The following ADAM23 variants were observed in gnomAD, a reference collection of about 807,000 sequenced individuals.
ADAM23 encodes the protein disintegrin and metalloproteinase domain-containing protein 23.
A neutral mutation model predicts 120.1 loss-of-function variants in ADAM23; 33 were observed. The observed-to-expected ratio is 0.27, with a 90% CI of 0.21 to 0.37. The LOEUF (loss-of-function observed/expected upper bound fraction) is 0.37. Ranked by LOEUF, ADAM23 falls within the 10% of genes least tolerant of loss-of-function variation. The pLI, the probability that ADAM23 is intolerant of heterozygous loss-of-function variation, is 1.00. For missense variants in ADAM23, 862 were observed against 1,058.2 expected, an observed-to-expected ratio of 0.81 and a Z score of 2.57; for synonymous variants, 367 against 375.2, an observed-to-expected ratio of 0.98 and a Z score of 0.25.
At chr2:206,556,089 A>G (rs1430439906) in intron 9 of ADAM23, among the ~76,000 whole-genome samples, 1 of 152,206 alleles carries the variant, frequency 6.6e-6, no homozygotes, top group Non-Finnish European at 1.5e-5. Context: ...GAACACAAAT[A>G]TAGACAGTTT....
intron 4 of ADAM23, among the ~76,000 whole-genome samples, chr2:206,534,866 T>A (rs1697139019): frequency 6.6e-6 from 1 of 152,184 alleles, no homozygotes; most frequent in Admixed American, 6.5e-5. Flanking sequence ...CCCTGGCTTC[T>A]TCCTATTCCG....
At chr2:206,487,835 T>G (rs1696046024) in intron 3 of ADAM23, among the ~76,000 whole-genome samples, 1 of 152,218 alleles carries the variant, frequency 6.6e-6, no homozygotes, top group Non-Finnish European at 1.5e-5. Context: ...TCTTTGTACA[T>G]TCATCTTGAA....
chr2:206,527,716 C>T (rs185676021), intron 3 of ADAM23, among the ~76,000 whole-genome samples: 1 of 152,238 alleles, frequency 6.6e-6, no homozygotes, highest in Admixed American at 6.5e-5. Flanking sequence ...AGGCATTATG[C>T]CAGGTGCTAG....
intron 3 of ADAM23, 50 bp downstream of exon 3, chr2:206,481,358 G>T: frequency 7.2e-7 from 1 of 1,385,212 alleles, no homozygotes. Flanking sequence ...ATAAAGCTTT[G>T]TTTTTATAAT....
intron 19 of ADAM23, among the ~76,000 whole-genome samples, chr2:206,587,581 A>AG (rs5838033): frequency 2.6e-5 from 1 of 38,138 alleles, no homozygotes; most frequent in Non-Finnish European, 7.2e-5. Context: ...AGATTAAGAG[A>AG]AAAAAAAAAA....
intron 3 of ADAM23, among the ~76,000 whole-genome samples, chr2:206,485,137 C>T (rs936309609): frequency 4.6e-5 from 7 of 152,116 alleles, no homozygotes; most frequent in African/African-American, 1.7e-4. Context: ...CTGAGTGCAA[C>T]CTGAGTGTGC....
At chr2:206,496,194 A>G (rs1173831428) in intron 3 of ADAM23, among the ~76,000 whole-genome samples, 1 of 152,098 alleles carries the variant, frequency 6.6e-6, no homozygotes, top group Non-Finnish European at 1.5e-5. Context: ...TCAACAGAAT[A>G]TACATTCTTT....
At chr2:206,508,093 A>G (rs373366990) in intron 3 of ADAM23, among the ~76,000 whole-genome samples, 7 of 152,030 alleles carry the variant, frequency 4.6e-5, no homozygotes, top group African/African-American at 7.2e-5. Context: ...GCAGTGGCGC[A>G]ATCTCGGCTC....
chr2:206,614,782 G>A (rs1698902921), intron 25 of ADAM23, among the ~76,000 whole-genome samples: 1 of 152,112 alleles, frequency 6.6e-6, no homozygotes, highest in African/African-American at 2.4e-5. Flanking sequence ...ATTGAATTAG[G>A]AAATTGAATT....
chr2:206,458,323 T>A (rs1348057489), intron 2 of ADAM23, among the ~76,000 whole-genome samples: 1 of 118,532 alleles, frequency 8.4e-6, no homozygotes, highest in Admixed American at 8.2e-5. Flanking sequence ...TGCTCTTTCA[T>A]GAATAATGTA....
At chr2:206,499,176 G>A (rs921501679) in intron 3 of ADAM23, among the ~76,000 whole-genome samples, 3 of 151,820 alleles carry the variant, frequency 2.0e-5, no homozygotes, top group African/African-American at 7.3e-5. Context: ...AAATCATGCT[G>A]CTATAAAGAC....
intron 15 of ADAM23, 29 bp from the exon 16 acceptor site, chr2:206,570,710 AT>A: frequency 6.3e-7 from 1 of 1,588,016 alleles, no homozygotes; most frequent in South Asian, 1.1e-5. Context: ...AAATTGAAAC[AT>A]TTTTCCCTTC....
At chr2:206,526,708 A>G (rs375378887) in intron 3 of ADAM23, among the ~76,000 whole-genome samples, 1 of 152,228 alleles carries the variant, frequency 6.6e-6, no homozygotes, top group Non-Finnish European at 1.5e-5. Flanking sequence ...TCTTATCAGG[A>G]TGCCAGGAAG....
chr2:206,493,547 A>G (rs894648727), intron 3 of ADAM23, among the ~76,000 whole-genome samples: 2 of 151,970 alleles, frequency 1.3e-5, no homozygotes, highest in Non-Finnish European at 2.9e-5. Context: ...TAATTTTTGT[A>G]TTTTTAGTAG....
chr2:206,571,434 C>G (rs1303378581), intron 16 of ADAM23, among the ~76,000 whole-genome samples: 3 of 151,962 alleles, frequency 2.0e-5, no homozygotes, highest in Admixed American at 1.3e-4. Flanking sequence ...AAGATAGTGC[C>G]ACTGCAGTCC....
intron 3 of ADAM23, among the ~76,000 whole-genome samples, chr2:206,494,504 G>A (rs1286552515): frequency 2.6e-5 from 4 of 152,188 alleles, no homozygotes; most frequent in African/African-American, 7.2e-5. Flanking sequence ...TGGGATCAGG[G>A]AAAGCTATAC....
intron 2 of ADAM23, among the ~76,000 whole-genome samples, chr2:206,454,930 G>A (rs1463125356): frequency 2.0e-5 from 3 of 152,220 alleles, no homozygotes; most frequent in Non-Finnish European, 4.4e-5. Context: ...TTGAGTGCCC[G>A]TGGCCTTTCT....
rs1380534484 is a variant in ADAM23, at chr2:206,570,768, G to T, written c.1523G>T (p.Gly508Val). The change falls in exon 16 of 26, where the codon GGA becomes GTA. Residue 508 changes from glycine (G) to valine (V), a missense_variant. Transcript: ENST00000264377. ...TTTGAGCCCACGGAATGTGGAAATGGATACGTGGAAGCTGGGGAGGAGTGT... is the reference window on the plus strand; with the variant it reads ...TTTGAGCCCACGGAATGTGGAAATGTATACGTGGAAGCTGGGGAGGAGTGT... ...KLFEPTECGN[G>V]YVEAGEECDC... The T allele has an allele frequency of 6.2e-7, 1 of 1,613,856 alleles. No homozygotes were observed.
intron 24 of ADAM23, among the ~76,000 whole-genome samples, chr2:206,607,661 A>T (rs1179667020): frequency 6.6e-6 from 1 of 152,154 alleles, no homozygotes. Context: ...AAGTGTATGT[A>T]TATTTTTTCT....
Sources: allele counts gnomAD v4.1 joint callset (sites outside exome capture counted in the v4.1 genomes callset), GRCh38; gene constraint gnomAD v4.1.1; transcripts MANE v1.5; gene names NCBI Gene and HGNC (gene_info 2026-07-23, HGNC 2026-07-21).